The following DMXL2 variants were observed in gnomAD, a reference collection of about 807,000 sequenced individuals.
DMXL2 encodes the protein dmX-like protein 2.
A neutral mutation model predicts 331.1 loss-of-function variants in DMXL2; 103 were observed. That is an observed-to-expected ratio of 0.31 (90% CI 0.27 to 0.37). The LOEUF is 0.37. DMXL2 is among the 10% of genes least tolerant of loss of function. The probability of loss-of-function intolerance (pLI) is 1.00; values close to 1 mark genes in which losing one functional copy is unlikely to be tolerated. For synonymous variants in DMXL2, 1,281 were observed against 1,252.1 expected (o/e 1.02, Z -0.49); for missense variants, 3,171 against 3,642.9 (o/e 0.87, Z 3.33).
At chr15:51,491,064 T>G (rs1322321799) in intron 20 of DMXL2, among the ~76,000 whole-genome samples, 1 of 152,188 alleles carries the variant, frequency 6.6e-6, no homozygotes, top group African/African-American at 2.4e-5. Flanking sequence ...TATTATAAAT[T>G]CAGCCTATAT....
chr15:51,604,616 T>C (rs920220127), intron 1 of DMXL2, among the ~76,000 whole-genome samples: 7 of 152,168 alleles, frequency 4.6e-5, no homozygotes, highest in African/African-American at 7.2e-5. Flanking sequence ...TAAATAAATA[T>C]AGACATATGT....
intron 1 of DMXL2, among the ~76,000 whole-genome samples, chr15:51,586,630 A>AT (rs2051848290): frequency 6.6e-6 from 1 of 152,170 alleles, no homozygotes; most frequent in South Asian, 2.1e-4. Flanking sequence ...AGATGGAGCT[A>AT]TAACAAACTT....
Position 51,536,354 on chromosome 15 carries a change from T to C in DMXL2, c.2126A>G (p.Asn709Ser), listed in dbSNP as rs940918219. 6.2e-7 allele frequency: 1 copy of C among 1,613,734 alleles called. No homozygotes were observed. Among genetic ancestry groups the C allele is most frequent in the African/African-American group, 1.3e-5 (1 of 74,908 alleles). ...IKGSSKQPLR[N>S]AATRTFHDPN... Reference sequence around the variant, plus strand: ...GTCATGAAATGTACGAGTTGCTGCATTTCTAAGAGGTTGTTTCGAGGAACC... The same window carrying C: ...GTCATGAAATGTACGAGTTGCTGCACTTCTAAGAGGTTGTTTCGAGGAACC... The change falls in exon 12 of 44, where the codon AAT becomes AGT. Residue 709 changes from asparagine to serine, a missense_variant. Transcript: ENST00000560891.
Position 51,458,522 on chromosome 15 carries a change from C to G in DMXL2, c.8182G>C (p.Asp2728His), listed in dbSNP as rs753115653. The G allele has an allele frequency of 4.3e-6, 7 of 1,613,512 alleles. No individual in the cohort carries two copies. The highest frequency in any genetic ancestry group is 1.3e-5 in the African/African-American group (1 of 74,916). Residue 2728 changes from aspartate (D) to histidine (H), a missense_variant, in exon 36 of 44, where the codon GAC becomes CAC. By Grantham distance (81) the Asp-to-His change is moderately conservative. Coordinates refer to ENST00000560891, the MANE Select transcript of DMXL2 (RefSeq NM_001378457.1). The stretch of plus-strand genomic sequence containing the variant: ...GAGACAAACCTTTTGGATTCTCTGT[C>G]ATATTCTTCTCCGATCCATATGTAT... ...QSYIWIGEEY[D>H]RESKSSDDVD... is the part of the protein sequence containing the mutation.
intron 22 of DMXL2, 110 bp from the exon 23 acceptor site, chr15:51,486,447 C>T (rs542750581): frequency 1.8e-5 from 15 of 829,114 alleles, no homozygotes; most frequent in Middle Eastern, 3.8e-4. Context: ...TAATGGTGGG[C>T]GAAGGGACAG....
intron 13 of DMXL2, among the ~76,000 whole-genome samples, chr15:51,523,653 C>A (rs1363873322): frequency 2.0e-5 from 2 of 98,986 alleles, no homozygotes; most frequent in Admixed American, 2.1e-4. Flanking sequence ...TGGACGAAGG[C>A]CATGAGAAGA....
intron 40 of DMXL2, 40 bp downstream of exon 40, chr15:51,455,111 G>T: frequency 6.9e-7 from 1 of 1,459,772 alleles, no homozygotes; most frequent in Non-Finnish European, 9.6e-7. Flanking sequence ...TGAACAAAGT[G>T]TTGTGTATAT....
chr15:51,549,964 A>T lies in DMXL2; in HGVS notation c.568-2556T>A, dbSNP rs141404590. Among the ~76,000 whole-genome samples, 283 of 152,240 alleles carry T rather than the reference A, an allele frequency of 1.9e-3. 7 individuals are homozygous for T. The highest frequency in any genetic ancestry group is 0.016 in the Admixed American group (240 of 15,270). On this transcript the variant is annotated intron_variant, in intron 6 of 43. Transcript: ENST00000560891. The stretch of plus-strand genomic sequence containing the variant: ...TACTGTGCAGAAACTCCAGGAAAGG[A>T]CATGACAAAAAAAGGAAACCACAGA...
At chr15:51,469,919 T>C (rs1164975848) in intron 29 of DMXL2, among the ~76,000 whole-genome samples, 1 of 152,182 alleles carries the variant, frequency 6.6e-6, no homozygotes, top group Admixed American at 6.5e-5. Context: ...AACCTGGAAA[T>C]CTGCACTCAC....
intron 13 of DMXL2, among the ~76,000 whole-genome samples, chr15:51,529,540 C>G (rs922474624): frequency 5.3e-5 from 8 of 152,060 alleles, no homozygotes; most frequent in Non-Finnish European, 8.8e-5. Context: ...TACAACCTAT[C>G]AAGACTAAAC....
intron 13 of DMXL2, among the ~76,000 whole-genome samples, chr15:51,518,180 A>C (rs575925210): frequency 5.3e-5 from 8 of 152,206 alleles, no homozygotes; most frequent in African/African-American, 1.7e-4. Context: ...TAAAAATATA[A>C]AAATTAGTGG....
rs765311709 is a variant in DMXL2 at position 51,486,364 on chromosome 15, C to A, written c.5218-27G>T. 6 of 1,454,948 alleles carry A rather than the reference C, an allele frequency of 4.1e-6. No homozygotes were observed. In the East Asian group the frequency reaches 9.3e-5, roughly 22 times the overall value. The allele number at this position is 1,454,948 out of a possible 1,614,324, so 90.1% of individuals were successfully genotyped here. On this transcript the variant is annotated intron_variant, in intron 22 of 43. Coordinates refer to ENST00000560891, the MANE Select transcript of DMXL2 (RefSeq NM_001378457.1). Reference sequence around the variant, plus strand: ...TGCAAATTTAAATATTAATACTTATCTTACTTAATGATAATTATTTAGAGA... The same window carrying A: ...TGCAAATTTAAATATTAATACTTATATTACTTAATGATAATTATTTAGAGA...
At chr15:51,527,290 TAA>T (rs1484979970) in intron 13 of DMXL2, among the ~76,000 whole-genome samples, 2 of 151,948 alleles carry the variant, frequency 1.3e-5, no homozygotes, top group Non-Finnish European at 2.9e-5. Context: ...GTGTATCTAG[TAA>T]AAATATCCTT....
chr15:51,549,552 T>C (rs1010478555), intron 6 of DMXL2, among the ~76,000 whole-genome samples: 2 of 152,164 alleles, frequency 1.3e-5, no homozygotes, highest in African/African-American at 4.8e-5. Context: ...TCCATAGTGG[T>C]TGTACTAGTT....
intron 9 of DMXL2, 99 bp from the exon 10 acceptor site, chr15:51,538,551 A>G (rs1342825046): frequency 1.1e-6 from 1 of 895,734 alleles, no homozygotes; most frequent in Non-Finnish European, 1.6e-6. Flanking sequence ...AAGGTGCTAA[A>G]CAAGTCAACA....
chr15:51,574,563 T>A (rs767474984), intron 2 of DMXL2, among the ~76,000 whole-genome samples: 3 of 152,298 alleles, frequency 2.0e-5, no homozygotes, highest in Admixed American at 6.5e-5. Context: ...AAATGACACT[T>A]ACGCAAAAAG....
chr15:51,558,853 C>T (rs2049772070), intron 6 of DMXL2, among the ~76,000 whole-genome samples: 2 of 152,168 alleles, frequency 1.3e-5, no homozygotes, highest in Middle Eastern at 3.4e-3. Context: ...TTTTTGTTAC[C>T]GAATGCATTA....
chr15:51,542,591 T>A, intron 8 of DMXL2, 84 bp from the exon 9 acceptor site: 1 of 1,058,268 alleles, frequency 9.4e-7, no homozygotes, highest in Non-Finnish European at 1.3e-6. Flanking sequence ...TTAAGAGGTT[T>A]AAGATTTTTT....
Position 51,457,355 on chromosome 15 carries a change from A to G in DMXL2, c.8310T>C (p.Thr2770=), listed in dbSNP as rs893830891. The G allele has an allele frequency of 6.2e-7, 1 of 1,614,100 alleles. No individual in the cohort carries two copies. Among genetic ancestry groups the G allele is most frequent in the African/African-American group, 1.3e-5 (1 of 74,940 alleles). The part of the protein sequence containing the change: ...HPPSSLPWLG[T]GQTSTGASVL... Reference sequence around the variant, plus strand: ...CACTAGCTCCAGTGCTAGTCTGTCCAGTGCCCAGCCATGGCAGAGATGAAG... The same window carrying G: ...CACTAGCTCCAGTGCTAGTCTGTCCGGTGCCCAGCCATGGCAGAGATGAAG... Residue 2770 remains threonine (T), a synonymous_variant, in exon 37 of 44, where the codon ACT becomes ACC. Coordinates refer to ENST00000560891, the MANE Select transcript of DMXL2 (RefSeq NM_001378457.1).
Sources: allele counts gnomAD v4.1 joint callset (sites outside exome capture counted in the v4.1 genomes callset), GRCh38; gene constraint gnomAD v4.1.1; transcripts MANE v1.5; gene names NCBI Gene and HGNC (gene_info 2026-07-23, HGNC 2026-07-21).